DCAF6: variants seen among roughly 807,000 people sequenced by gnomAD.
The protein encoded by DCAF6 is DDB1 and CUL4 associated factor 6.
DCAF6 carries 54 observed loss-of-function variants against 125.1 expected under a neutral mutation model. The ratio of observed to expected loss-of-function variants is 0.43; its 90% CI spans 0.35 to 0.54. DCAF6 has a LOEUF of 0.54. DCAF6 is among the 20% of genes least tolerant of loss of function. DCAF6 has a pLI of 0.01. For missense variants in DCAF6, 934 were observed against 1,161.7 expected, an observed-to-expected ratio of 0.80 and a Z score of 2.85; for synonymous variants, 371 against 390.4, an observed-to-expected ratio of 0.95 and a Z score of 0.58.
intron 14 of DCAF6, 105 bp downstream of exon 14, chr1:168,043,245 T>C: frequency 2.3e-6 from 2 of 857,578 alleles, no homozygotes; most frequent in South Asian, 3.2e-5. Context: ...TTTTAATAAA[T>C]TACTTTTGCT....
chr1:167,948,941 C>A (rs1380100353), intron 1 of DCAF6, among the ~76,000 whole-genome samples: 1 of 152,156 alleles, frequency 6.6e-6, no homozygotes, highest in Non-Finnish European at 1.5e-5. Flanking sequence ...TGTGAGCCAC[C>A]ACGCACAGCA....
chr1:167,937,073 G>C, intron 1 of DCAF6, 65 bp downstream of exon 1: 1 of 1,405,384 alleles, frequency 7.1e-7, no homozygotes, highest in African/African-American at 1.4e-5. Context: ...GGGGCACGCT[G>C]CCGGGTCTGT....
At chr1:167,891,959 G>A in the DCAF6 span, among the ~76,000 whole-genome samples, 1 of 151,058 alleles carries the variant, frequency 6.6e-6, no homozygotes, top group Non-Finnish European at 1.5e-5. Context: ...TAACCAATGT[G>A]CTAATTTTTT....
At chr1:168,064,298 C>G (rs1692055933) in intron 18 of DCAF6, among the ~76,000 whole-genome samples, 1 of 152,018 alleles carries the variant, frequency 6.6e-6, no homozygotes, top group Non-Finnish European at 1.5e-5. Flanking sequence ...TTACGATCTA[C>G]AAGTTTCTAC....
At chr1:167,960,545 T>G (rs202266) in intron 2 of DCAF6, among the ~76,000 whole-genome samples, 68,250 of 151,852 alleles carry the variant, frequency 0.45, 17,299 homozygotes, top group African/African-American at 0.68. Flanking sequence ...CTCGTGATCT[T>G]CCTGTCTTGG....
intron 6 of DCAF6, 90 bp from the exon 7 acceptor site, chr1:167,993,136 G>A: frequency 9.0e-7 from 1 of 1,105,310 alleles, no homozygotes; most frequent in Admixed American, 2.7e-5. Flanking sequence ...GCTACATTAA[G>A]TCACATGTAA....
chr1:168,054,368 T>C (rs1413555949), intron 17 of DCAF6, among the ~76,000 whole-genome samples: 1 of 152,160 alleles, frequency 6.6e-6, no homozygotes, highest in Non-Finnish European at 1.5e-5. Context: ...CCTCTTCTTA[T>C]AAAGCCACCA....
At chr1:167,963,264 A>G (rs890762208) in intron 2 of DCAF6, among the ~76,000 whole-genome samples, 1 of 148,394 alleles carries the variant, frequency 6.7e-6, no homozygotes. Flanking sequence ...ACTCTGTCTC[A>G]AAAAAAAAAC....
At chr1:167,980,224 A>G (rs1478785325) in intron 4 of DCAF6, among the ~76,000 whole-genome samples, 2 of 152,174 alleles carry the variant, frequency 1.3e-5, no homozygotes, top group Admixed American at 1.3e-4. Flanking sequence ...TCATCTAGTG[A>G]TGGATATTTA....
chr1:167,920,540 A>C, the DCAF6 span: 1 of 1,611,826 alleles, frequency 6.2e-7, no homozygotes, highest in South Asian at 1.1e-5. Context: ...ATATTTATTT[A>C]ATTTACCTGT....
intron 5 of DCAF6, among the ~76,000 whole-genome samples, chr1:167,989,973 T>C (rs1005709302): frequency 4.6e-5 from 7 of 152,214 alleles, no homozygotes; most frequent in Non-Finnish European, 1.0e-4. Flanking sequence ...TCTTACATTT[T>C]CTAATTCTTC....
At chr1:167,868,627 GA>G in the DCAF6 span, among the ~76,000 whole-genome samples, 48,001 of 151,948 alleles carry the variant, frequency 0.32, 8,628 homozygotes, top group African/African-American at 0.5. Flanking sequence ...CTGACCAGTG[GA>G]CAGGTAGTTG....
intron 5 of DCAF6, 30 bp from the exon 6 acceptor site, chr1:167,991,174 A>G (rs375920232): frequency 1.8e-5 from 29 of 1,580,770 alleles, no homozygotes; most frequent in Non-Finnish European, 2.4e-5. Context: ...GTATAACTAT[A>G]TGTAATTGGT....
chr1:167,896,505 C>T, the DCAF6 span: 1 of 1,049,670 alleles, frequency 9.5e-7, no homozygotes, highest in Non-Finnish European at 1.5e-6. Flanking sequence ...TTGAGGAGCC[C>T]ACCCACCAGT....
intron 21 of DCAF6, among the ~76,000 whole-genome samples, chr1:168,071,188 A>G (rs997357166): frequency 6.6e-6 from 1 of 152,196 alleles, no homozygotes; most frequent in Non-Finnish European, 1.5e-5. Context: ...AGGTCAGTTA[A>G]TTTTTTTGTT....
chr1:167,883,478 T>A, the DCAF6 span: 1 of 1,614,254 alleles, frequency 6.2e-7, no homozygotes. Flanking sequence ...CCTTGGAAGA[T>A]CTTCAGGACA....
rs142472894 is a variant in DCAF6 at position 168,061,202 on chromosome 1, G to T, written c.2301-2419G>T. Among the ~76,000 whole-genome samples, 14 of 152,220 alleles carry T rather than the reference G, an allele frequency of 9.2e-5. No individual in the cohort carries two copies. The East Asian group carries it at 2.7e-3, about 29-fold the overall frequency. On this transcript the variant is annotated intron_variant, in intron 17 of 21. Transcript: ENST00000367840. ...GAACTAAACATGTCAGCTTTTCTGG[G>T]AGTTTCTAACTGTATCTAACTTAAA... is the stretch of plus-strand genomic sequence containing the variant.
chr1:167,955,669 G>A (rs1235596368), intron 2 of DCAF6, among the ~76,000 whole-genome samples: 1 of 151,750 alleles, frequency 6.6e-6, no homozygotes, highest in Non-Finnish European at 1.5e-5. Flanking sequence ...TTCTAGTCTG[G>A]ATTCCTTTTA....
chr1:167,933,249 C>A (rs1571520526), upstream of DCAF6, among the ~76,000 whole-genome samples: 1 of 151,216 alleles, frequency 6.6e-6, no homozygotes, highest in East Asian at 1.9e-4. Context: ...CTAACTGCAA[C>A]CTCCACCTCC....
Sources: gnomAD v4.1 joint callset for allele counts (sites outside exome capture counted in the v4.1 genomes callset) on GRCh38, gnomAD v4.1.1 for gene constraint, MANE v1.5 for transcripts, NCBI Gene and HGNC (gene_info 2026-07-23, HGNC 2026-07-21) for gene names.